The following HPSE2 variants were observed in gnomAD, a reference collection of about 807,000 sequenced individuals.
HPSE2 encodes heparanase 2 (inactive).
In HPSE2, 38 loss-of-function variants were observed where a neutral mutation model predicts 60.5. That is an observed-to-expected ratio of 0.63 (90% CI 0.48 to 0.82). HPSE2 has a LOEUF of 0.82. HPSE2 is among the 40% of genes least tolerant of loss of function. The pLI, the probability that HPSE2 is intolerant of heterozygous loss-of-function variation, is 0.00. For missense variants in HPSE2, 713 were observed against 740.4 expected, an observed-to-expected ratio of 0.96 and a Z score of 0.43; for synonymous variants, 295 against 293.2, an observed-to-expected ratio of 1.01 and a Z score of -0.06.
At chr10:98,984,364 T>A (rs1956284042) in intron 3 of HPSE2, among the ~76,000 whole-genome samples, 1 of 152,212 alleles carries the variant, frequency 6.6e-6, no homozygotes, top group African/African-American at 2.4e-5. Context: ...CCTCTGCTGC[T>A]GATACCCAGG....
chr10:98,708,636 C>A (rs948349043), intron 5 of HPSE2, among the ~76,000 whole-genome samples: 1 of 152,004 alleles, frequency 6.6e-6, no homozygotes, highest in Non-Finnish European at 1.5e-5. Context: ...CTTTTTCCTT[C>A]CTAACAAAAT....
chr10:98,933,437 T>G (rs991278782), intron 3 of HPSE2, among the ~76,000 whole-genome samples: 11 of 144,400 alleles, frequency 7.6e-5, no homozygotes, highest in Non-Finnish European at 8.9e-5. Context: ...CTGTTGTTTT[T>G]GAGTGGAGCG....
chr10:99,145,346 AT>A (rs1371331505), intron 2 of HPSE2, among the ~76,000 whole-genome samples: 1 of 145,316 alleles, frequency 6.9e-6, no homozygotes. Flanking sequence ...AGTCCCAGCT[AT>A]TTGGGAGGCT....
chr10:98,516,066 T>C (rs1015372687), intron 9 of HPSE2, among the ~76,000 whole-genome samples: 1 of 152,202 alleles, frequency 6.6e-6, no homozygotes, highest in Non-Finnish European at 1.5e-5. Context: ...GTGAATTGCC[T>C]GTTTACCTGT....
chr10:98,886,165 A>AT (rs1953159512), intron 3 of HPSE2, among the ~76,000 whole-genome samples: 1 of 152,074 alleles, frequency 6.6e-6, no homozygotes, highest in Non-Finnish European at 1.5e-5. Flanking sequence ...CCCTAAGACT[A>AT]TTTTTGCCAT....
intron 3 of HPSE2, among the ~76,000 whole-genome samples, chr10:99,055,603 C>A (rs564737407): frequency 6.6e-6 from 1 of 151,944 alleles, no homozygotes; most frequent in Non-Finnish European, 1.5e-5. Flanking sequence ...ACCTTAAAAT[C>A]CAAAGACTGA....
chr10:99,172,219 G>C (rs886752853), intron 2 of HPSE2, among the ~76,000 whole-genome samples: 1 of 152,100 alleles, frequency 6.6e-6, no homozygotes, highest in Non-Finnish European at 1.5e-5. Context: ...AGCGTGTACT[G>C]CTGCCATCTT....
At chr10:98,571,452 G>A (rs565821060) in intron 9 of HPSE2, among the ~76,000 whole-genome samples, 6 of 152,146 alleles carry the variant, frequency 3.9e-5, no homozygotes, top group African/African-American at 1.4e-4. Flanking sequence ...ATCGTTGAAT[G>A]GGCTTCAAAG....
At chr10:99,114,588 T>G (rs1844597961) in intron 3 of HPSE2, among the ~76,000 whole-genome samples, 1 of 152,086 alleles carries the variant, frequency 6.6e-6, no homozygotes, top group South Asian at 2.1e-4. Flanking sequence ...ACTTAGGATA[T>G]AAATAAATCA....
intron 10 of HPSE2, among the ~76,000 whole-genome samples, chr10:98,484,423 A>C (rs1200569438): frequency 6.6e-6 from 1 of 152,172 alleles, no homozygotes; most frequent in Non-Finnish European, 1.5e-5. Flanking sequence ...TTTTTAGTAG[A>C]GATGGGGTTT....
chr10:98,724,108 A>G (rs1325345011), intron 4 of HPSE2, among the ~76,000 whole-genome samples: 2 of 152,106 alleles, frequency 1.3e-5, no homozygotes, highest in African/African-American at 4.8e-5. Context: ...ATTTAGTGCT[A>G]TAAATTTCCC....
chr10:98,867,412 T>C (rs1016269507), intron 3 of HPSE2, among the ~76,000 whole-genome samples: 2 of 152,054 alleles, frequency 1.3e-5, no homozygotes, highest in Non-Finnish European at 2.9e-5. Context: ...ACAACATTGA[T>C]CATCAGAGAA....
the HPSE2 span, among the ~76,000 whole-genome samples, chr10:99,286,468 T>A: frequency 6.6e-6 from 1 of 152,136 alleles, no homozygotes; most frequent in Non-Finnish European, 1.5e-5. Flanking sequence ...TCCACTTATA[T>A]GAAATATCTA....
chr10:98,482,913 A>G, intron 10 of HPSE2, 131 bp from the exon 11 acceptor site: 1 of 870,228 alleles, frequency 1.1e-6, no homozygotes, highest in Non-Finnish European at 1.8e-6. Context: ...GCCACCATAG[A>G]CCCTAAAAGA....
the HPSE2 span, among the ~76,000 whole-genome samples, chr10:99,291,324 G>A: frequency 5.3e-5 from 8 of 152,248 alleles, no homozygotes; most frequent in South Asian, 2.1e-4. Context: ...GGTGGCTCAC[G>A]CCTGTAATCC....
chr10:98,563,519 C>T (rs1369886419), intron 9 of HPSE2, among the ~76,000 whole-genome samples: 2 of 152,104 alleles, frequency 1.3e-5, no homozygotes, highest in African/African-American at 2.4e-5. Flanking sequence ...ATGCTAAACA[C>T]CATTGCATTG....
At chr10:98,821,946 C>T (rs1361014362) in intron 3 of HPSE2, among the ~76,000 whole-genome samples, 2 of 152,122 alleles carry the variant, frequency 1.3e-5, no homozygotes, top group East Asian at 1.9e-4. Context: ...GTGAAAGGTG[C>T]TCAGTCTTGG....
the HPSE2 span, among the ~76,000 whole-genome samples, chr10:99,307,593 C>CA: frequency 2.0e-5 from 3 of 151,872 alleles, no homozygotes; most frequent in African/African-American, 4.8e-5. Context: ...GCCTCTGCTC[C>CA]AAAAAAAGAA....
At chr10:99,040,657 T>TAA (rs542775208) in intron 3 of HPSE2, among the ~76,000 whole-genome samples, 1 of 151,900 alleles carries the variant, frequency 6.6e-6, no homozygotes, top group African/African-American at 2.4e-5. Flanking sequence ...TACCCAAAAA[T>TAA]AAAAAAAACT....
Sources: gnomAD v4.1 joint callset for allele counts (sites outside exome capture counted in the v4.1 genomes callset) on GRCh38, gnomAD v4.1.1 for gene constraint, MANE v1.5 for transcripts, NCBI Gene and HGNC (gene_info 2026-07-23, HGNC 2026-07-21) for gene names.